DNAH12: variants seen among roughly 807,000 people sequenced by gnomAD.
The protein encoded by DNAH12 is axonemal beta dynein heavy chain 12.
Under a neutral mutation model 371.5 loss-of-function variants are expected in DNAH12, and 285 were observed. That is an observed-to-expected ratio of 0.77 (90% CI 0.70 to 0.85). DNAH12 has a LOEUF of 0.85. DNAH12 is among the 40% of genes least tolerant of loss of function. DNAH12 has a pLI of 0.00. For synonymous variants in DNAH12, 1,200 were observed against 1,213.0 expected (o/e 0.99, Z 0.22); for missense variants, 3,611 against 3,689.4 (o/e 0.98, Z 0.55).
chr3:57,543,509 A>G (rs2069393735), intron 1 of DNAH12, among the ~76,000 whole-genome samples: 1 of 150,484 alleles, frequency 6.6e-6, no homozygotes, highest in Admixed American at 6.6e-5. Context: ...TTTAGTAGAG[A>G]CAGGGTTTCA....
intron 39 of DNAH12, among the ~76,000 whole-genome samples, chr3:57,408,941 C>T (rs887253730): frequency 6.6e-6 from 1 of 151,948 alleles, no homozygotes; most frequent in Non-Finnish European, 1.5e-5. Context: ...CTTGTTGTAC[C>T]GAAGTAATTA....
chr3:57,350,048 C>A (rs2062634093), intron 60 of DNAH12, among the ~76,000 whole-genome samples: 1 of 152,138 alleles, frequency 6.6e-6, no homozygotes, highest in South Asian at 2.1e-4. Flanking sequence ...TAAAAGCAAA[C>A]TTCGTATGTT....
At position 57,293,970 on chromosome 3, in the gene DNAH12, A is replaced by G; in HGVS notation, c.11694T>C (p.Thr3898=). 7.2e-7 allele frequency: 1 copy of G among 1,396,302 alleles called. No homozygotes were observed. 86.5% of individuals were successfully genotyped at this position (1,396,302 alleles called of 1,614,324 possible). Residue 3898 remains threonine, a splice_region_variant and synonymous_variant, in exon 74 of 74, where the codon ACT becomes ACC. Coordinates refer to ENST00000495027, the MANE Select transcript of DNAH12 (RefSeq NM_001366028.2). ...DLMPIIWIKP[T]QKSRIIKSDA... ...CCGACTTTATAATCCGAGATTTTTG[A>G]GCTTGAAAAAAAAAAAGAAATATAT...
intron 30 of DNAH12, among the ~76,000 whole-genome samples, chr3:57,434,593 T>C (rs2065062558): frequency 3.9e-5 from 6 of 152,070 alleles, no homozygotes; most frequent in Admixed American, 3.3e-4. Flanking sequence ...CTTGCCATAA[T>C]AATAATAATA....
intron 22 of DNAH12, among the ~76,000 whole-genome samples, chr3:57,456,530 A>G (rs189174670): frequency 7.9e-5 from 12 of 152,304 alleles, no homozygotes; most frequent in African/African-American, 2.9e-4. Context: ...CCTTCTTTCA[A>G]ATTTATGACA....
At chr3:57,392,512 T>C (rs906278690) in intron 44 of DNAH12, among the ~76,000 whole-genome samples, 9 of 151,714 alleles carry the variant, frequency 5.9e-5, no homozygotes, top group Non-Finnish European at 1.0e-4. Flanking sequence ...AGCCCAGGAG[T>C]TCGAAGCTGC....
At chr3:57,500,116 C>G in intron 11 of DNAH12, among the ~76,000 whole-genome samples, 1 of 150,498 alleles carries the variant, frequency 6.6e-6, no homozygotes, top group East Asian at 2.0e-4. Flanking sequence ...GCTCCGCTCA[C>G]TGCAACCTTC....
rs1440721002 is a variant in DNAH12 at position 57,296,895 on chromosome 3, A to C, written c.11484T>G (p.Tyr3828Ter). 5 of 1,551,578 alleles carry C rather than the reference A, an allele frequency of 3.2e-6. No homozygotes were observed. Among genetic ancestry groups the C allele is most frequent in the Non-Finnish European group, 4.4e-6 (5 of 1,146,994 alleles). ...CAATAGGGGTGGTATATTTTCTGGCATAATTCTGCATAGCTCCAGTTAAAA... is the reference window on the plus strand; with the variant it reads ...CAATAGGGGTGGTATATTTTCTGGCCTAATTCTGCATAGCTCCAGTTAAAA... Reference protein sequence around the residue: ...QAFLTGAMQNYARKYTTPIDL... With the variant: ...QAFLTGAMQN Residue 3828 changes from tyrosine (Y) to a stop codon, truncating the protein, a stop_gained, in exon 71 of 74, where the codon TAT (tyrosine) becomes TAG (stop). Transcript: ENST00000495027. LOFTEE classifies it high-confidence loss of function.
chr3:57,475,375 C>A (rs1285826673), intron 13 of DNAH12, among the ~76,000 whole-genome samples: 3 of 151,912 alleles, frequency 2.0e-5, no homozygotes, highest in Non-Finnish European at 4.4e-5. Flanking sequence ...AAAGATTGCT[C>A]CATTTATTAT....
rs1358800445 is a variant in DNAH12, at chr3:57,523,566, T to C, written c.279+17A>G. The C allele has an allele frequency of 1.3e-6, 2 of 1,578,234 alleles. No individual in the cohort carries two copies. Among genetic ancestry groups the C allele is most frequent in the East Asian group, 2.3e-5 (1 of 43,640 alleles). ...TTTGAACATTTTCAAACAAGAAATA[T>C]AAAAACTTGAACTCACTCCTTTTTT... On this transcript the variant is annotated intron_variant, in intron 4 of 73. Transcript: ENST00000495027.
chr3:57,353,019 G>A (rs1326224821), intron 59 of DNAH12, among the ~76,000 whole-genome samples: 1 of 152,084 alleles, frequency 6.6e-6, no homozygotes, highest in Non-Finnish European at 1.5e-5. Context: ...AACCCGGGAG[G>A]TGGAGGTTGC....
At chr3:57,310,990 T>G in intron 66 of DNAH12, 40 bp from the exon 67 acceptor site, 1 of 1,361,390 alleles carries the variant, frequency 7.3e-7, no homozygotes, top group Non-Finnish European at 1.0e-6. Context: ...AACCTTAAAG[T>G]ATTTCACTTC....
intron 62 of DNAH12, among the ~76,000 whole-genome samples, chr3:57,324,702 A>G (rs1452881878): frequency 1.3e-5 from 2 of 152,210 alleles, no homozygotes; most frequent in Admixed American, 6.5e-5. Flanking sequence ...CTCACTAGGG[A>G]GTGCCAGACA....
intron 43 of DNAH12, among the ~76,000 whole-genome samples, chr3:57,395,500 A>G (rs1048549062): frequency 5.9e-5 from 9 of 152,338 alleles, no homozygotes; most frequent in Non-Finnish European, 1.0e-4. Context: ...ACACAAAAAC[A>G]ACTATGTCCT....
At chr3:57,310,664 G>C in intron 67 of DNAH12, 53 bp downstream of exon 67, 2 of 1,220,452 alleles carry the variant, frequency 1.6e-6, no homozygotes, top group Non-Finnish European at 2.3e-6. Context: ...TTCACCATTT[G>C]CTGTTAGAAA....
At chr3:57,390,706 A>G (rs928988537) in intron 45 of DNAH12, among the ~76,000 whole-genome samples, 1 of 151,814 alleles carries the variant, frequency 6.6e-6, no homozygotes, top group Non-Finnish European at 1.5e-5. Flanking sequence ...AGGCAGTGAC[A>G]GTCTGTCTTA....
chr3:57,405,805 A>G lies in DNAH12; in HGVS notation c.6424T>C (p.Phe2142Leu). 3 of 1,551,736 alleles carry G rather than the reference A, an allele frequency of 1.9e-6. No individual in the cohort carries two copies. Among genetic ancestry groups the G allele is most frequent in the Non-Finnish European group, 2.6e-6 (3 of 1,147,002 alleles). Residue 2142 changes from phenylalanine (F) to leucine (L), a missense_variant, in exon 41 of 74, where the codon TTT becomes CTT. By Grantham distance (22) the Phe-to-Leu change is conservative. Coordinates refer to ENST00000495027, the MANE Select transcript of DNAH12 (RefSeq NM_001366028.2). ...AACACTCGGAGAACCTCATGCACAA[A>G]CAGACGGATCATAGTGTGTTTGTTC... ...VANKHTMIRL[F>L]VHEVLRVFYD...
At chr3:57,499,498 A>G (rs2067436785) in intron 11 of DNAH12, among the ~76,000 whole-genome samples, 1 of 150,030 alleles carries the variant, frequency 6.7e-6, no homozygotes, top group Non-Finnish European at 1.5e-5. Context: ...AAATTCCTTC[A>G]ATTTCTCTGT....
intron 62 of DNAH12, among the ~76,000 whole-genome samples, chr3:57,331,285 C>G (rs1033855294): frequency 6.6e-6 from 1 of 152,146 alleles, no homozygotes; most frequent in Non-Finnish European, 1.5e-5. Flanking sequence ...TCAGGGGAGC[C>G]ATTCTGTAAA....
Sources: gnomAD v4.1 joint callset for allele counts (sites outside exome capture counted in the v4.1 genomes callset) on GRCh38, gnomAD v4.1.1 for gene constraint, MANE v1.5 for transcripts, NCBI Gene and HGNC (gene_info 2026-07-23, HGNC 2026-07-21) for gene names.